Variants in PPP2R3B observed in about 807,000 individuals in gnomAD.
The protein encoded by PPP2R3B is serine/threonine-protein phosphatase 2A regulatory subunit B'' subunit beta.
PPP2R3B carries 68 observed loss-of-function variants against 72.9 expected under a neutral mutation model. The ratio of observed to expected loss-of-function variants is 0.93; its 90% CI spans 0.77 to 1.14. PPP2R3B has a LOEUF of 1.14. Ranked by LOEUF, PPP2R3B falls within the 50% of genes most tolerant of loss-of-function variation. The pLI, the probability that PPP2R3B is intolerant of heterozygous loss-of-function variation, is 0.00. For missense variants in PPP2R3B, 1,018 were observed against 842.0 expected, an observed-to-expected ratio of 1.21 and a Z score of -2.59; for synonymous variants, 466 against 375.8, an observed-to-expected ratio of 1.24 and a Z score of -2.78.
intron 1 of PPP2R3B, chrX:362,457 C>T (rs2071561886): frequency 1.3e-5 from 2 of 152,462 alleles, no homozygotes; most frequent in Admixed American, 1.3e-4. Context: ...CCTCCTCCTC[C>T]AACTACCCAG....
chrX:370,225 G>A (rs1054484821), intron 1 of PPP2R3B, among the ~76,000 whole-genome samples: 8 of 152,182 alleles, frequency 5.3e-5, no homozygotes, highest in Non-Finnish European at 1.0e-4. Flanking sequence ...AGGGAGAACT[G>A]GTGTGGAGGG....
At chrX:344,908 T>C in intron 7 of PPP2R3B, 1 of 345,376 alleles carries the variant, frequency 2.9e-6, no homozygotes. Context: ...GAAACAGTCT[T>C]GGTCATATGG....
At chrX:384,329 C>T (rs1437082082) in intron 1 of PPP2R3B, among the ~76,000 whole-genome samples, 5 of 148,156 alleles carry the variant, frequency 3.4e-5, no homozygotes, top group Non-Finnish European at 7.4e-5. Context: ...CAGGGCCTTC[C>T]TCTGTTGCTC....
At chrX:373,366 C>G (rs2071909166) in intron 1 of PPP2R3B, among the ~76,000 whole-genome samples, 1 of 152,220 alleles carries the variant, frequency 6.6e-6, no homozygotes, top group African/African-American at 2.4e-5. Context: ...GGGTCCCCTG[C>G]GCCCACAACT....
In PPP2R3B at chrX:353,102, G is replaced by A. The variant is rs191964597; in HGVS notation, c.511-5409C>T. Among the ~76,000 whole-genome samples the A allele has an allele frequency of 4.9e-4, 74 of 152,104 alleles. 1 individual carries two copies. Among genetic ancestry groups the A allele is most frequent in the African/African-American group, 1.7e-3 (69 of 41,506 alleles). ...AAAGTGGGTGGCAGTGGCCGGGTGC[G>A]GTGGCTCAGGCCTGTCATCCCAGCA... On this transcript the variant is annotated intron_variant, in intron 2 of 12. Coordinates refer to ENST00000390665, the MANE Select transcript of PPP2R3B (RefSeq NM_013239.5).
chrX:346,076 GGAGGGGAGGAGGGA>G (rs2071201826), intron 6 of PPP2R3B, 84 bp downstream of exon 6: 1 of 498,982 alleles, frequency 2.0e-6, no homozygotes, highest in Admixed American at 2.9e-5. Flanking sequence ...AGAGGGGGTG[GGAGGGGAGGAGGGA>G]GGGGGGAGGA....
At chrX:334,694 C>T (rs948402097) in intron 12 of PPP2R3B, 177 bp from the exon 13 acceptor site, 76 of 730,454 alleles carry the variant, frequency 1.0e-4, no homozygotes, top group Non-Finnish European at 1.3e-4. Context: ...GCCGGCTCCA[C>T]GAATGCTCCC....
intron 2 of PPP2R3B, among the ~76,000 whole-genome samples, chrX:348,167 C>G (rs917389499): frequency 6.6e-6 from 1 of 152,164 alleles, no homozygotes; most frequent in African/African-American, 2.4e-5. Context: ...AATCGATCGT[C>G]TACACTTCTA....
chrX:344,089 C>G (rs369395281), intron 7 of PPP2R3B, among the ~76,000 whole-genome samples: 6,493 of 22,974 alleles, frequency 0.28, 413 homozygotes, highest in East Asian at 0.31. Context: ...GGAGGGAGAC[C>G]TCACCAACGG....
In PPP2R3B at chrX:386,556, G is replaced by A; in HGVS notation, c.136C>T (p.Gln46Ter). Residue 46 changes from glutamine (Q) to a stop codon, truncating the protein, a stop_gained, in exon 1 of 13, where the codon CAG (glutamine) becomes TAG (stop). Coordinates refer to ENST00000390665, the MANE Select transcript of PPP2R3B (RefSeq NM_013239.5). LOFTEE classifies it high-confidence loss of function. Reference protein sequence around the residue: ...LRRIKAPGRDQPTPGDGEQPG... With the variant: ...LRRIKAPGRD The stretch of plus-strand genomic sequence containing the variant: ...TGCTCCCCGTCCCCCGGGGTCGGCT[G>A]GTCCCGCCCGGGCGCCTTGATCCGG... 1 of 1,436,396 alleles carries A rather than the reference G, an allele frequency of 7.0e-7. No individual in the cohort carries two copies. Among genetic ancestry groups the A allele is most frequent in the Non-Finnish European group, 9.1e-7 (1 of 1,093,148 alleles). The allele number at this position is 1,436,396 out of a possible 1,614,324, so 89.0% of individuals were successfully genotyped here.
At chrX:373,613 G>T (rs771161574) in intron 1 of PPP2R3B, 1 of 297,174 alleles carries the variant, frequency 3.4e-6, no homozygotes, top group Admixed American at 3.3e-5. Context: ...CCAGCTCCTG[G>T]CGCAGGTCGG....
In PPP2R3B at chrX:385,622, AAAAT is replaced by A. The variant is rs745496051; in HGVS notation, c.324+742_324+745del. Among the ~76,000 whole-genome samples the A allele has an allele frequency of 8.0e-4, 121 of 151,916 alleles. 1 individual carries two copies. Among genetic ancestry groups the A allele is most frequent in the African/African-American group, 2.3e-3 (96 of 41,456 alleles). On this transcript the variant is annotated intron_variant, in intron 1 of 12. Transcript: ENST00000390665. ...AACATAGCAAGACCTCGTCTCTGCA[AAAAT>A]AAATAAATAAATAAATAAACAAAAA...
In PPP2R3B at chrX:383,512, A is replaced by G. The variant is rs138651621; in HGVS notation, c.324+2856T>C. Among the ~76,000 whole-genome samples, 1,344 of 152,266 alleles carry G rather than the reference A, an allele frequency of 8.8e-3. 27 individuals are homozygous for G. The highest frequency in any genetic ancestry group is 0.03 in the African/African-American group (1,260 of 41,544). On this transcript the variant is annotated intron_variant, in intron 1 of 12. Transcript: ENST00000390665. ...GCAATGTTTTATCGCTTTAAACTGC[A>G]TAGTATAAAACGACAGAAAGCATTT... is the stretch of plus-strand genomic sequence containing the variant.
rs201018845 is a variant in PPP2R3B at position 364,446 on chromosome X, ACTGT to A, written c.325-2860_325-2857del. Reference sequence around the variant, plus strand: ...TTTGAAAGGAGGCTGAGGGGGACAGACTGTCTGAGCTGAGGAGTTCAAGACCAGC... The same window carrying A: ...TTTGAAAGGAGGCTGAGGGGGACAGACTGAGCTGAGGAGTTCAAGACCAGC... On this transcript the variant is annotated intron_variant, in intron 1 of 12. Transcript: ENST00000390665. Among the ~76,000 whole-genome samples the A allele has an allele frequency of 7.3e-3, 1,100 of 149,930 alleles. 18 individuals are homozygous for A. The highest frequency in any genetic ancestry group is 0.026 in the African/African-American group (1,040 of 40,574).
At chrX:382,083 A>C (rs1330031027) in intron 1 of PPP2R3B, among the ~76,000 whole-genome samples, 1 of 150,938 alleles carries the variant, frequency 6.6e-6, no homozygotes, top group Non-Finnish European at 1.5e-5. Flanking sequence ...AGAATCCTGC[A>C]CCCTGCACAC....
chrX:359,015 A>C (rs906392510), intron 2 of PPP2R3B, among the ~76,000 whole-genome samples: 3 of 152,128 alleles, frequency 2.0e-5, no homozygotes, highest in Non-Finnish European at 2.9e-5. Flanking sequence ...GCGGGGAAGC[A>C]CTGAGGGGAA....
chrX:361,519 T>C lies in PPP2R3B; in HGVS notation c.396A>G (p.Arg132=). ...SQSIPTFYFP[R]GRPQDSVNVD... is the part of the protein sequence containing the mutation. The stretch of plus-strand genomic sequence containing the variant: ...CGTTGACGGAGTCCTGCGGGCGTCC[T>C]CTGGGGAAGTAGAAGGTCGGAATGC... Residue 132 remains arginine (R), a synonymous_variant, in exon 2 of 13, where the codon AGA becomes AGG. Coordinates refer to ENST00000390665, the MANE Select transcript of PPP2R3B (RefSeq NM_013239.5). 2 of 1,613,982 alleles carry C rather than the reference T, an allele frequency of 1.2e-6. No individual in the cohort carries two copies. The highest frequency in any genetic ancestry group is 1.7e-6 in the Non-Finnish European group (2 of 1,179,862).
intron 1 of PPP2R3B, among the ~76,000 whole-genome samples, chrX:363,945 C>T (rs1395278359): frequency 6.6e-6 from 1 of 152,244 alleles, no homozygotes; most frequent in Non-Finnish European, 1.5e-5. Flanking sequence ...TGCCAAGAAC[C>T]CTGGACAGAA....
rs746140449 is a variant in PPP2R3B at position 338,278 on chromosome X, C to G, written c.1577+326G>C. ...TGCAGCCTGCCCAGCAGGTGCCAGC[C>G]GTGGGATAAGGACAGACGTCGTTGG... On this transcript the variant is annotated intron_variant, in intron 12 of 12. Coordinates refer to ENST00000390665, the MANE Select transcript of PPP2R3B (RefSeq NM_013239.5). The G allele has an allele frequency of 3.2e-5, 16 of 492,894 alleles. No individual in the cohort carries two copies. In the East Asian group the frequency reaches 5.7e-4, roughly 18 times the overall value. The allele number at this position is 492,894 out of a possible 1,614,324, so 30.5% of individuals were successfully genotyped here.
Sources: gnomAD v4.1 joint callset for allele counts (sites outside exome capture counted in the v4.1 genomes callset) on GRCh38, gnomAD v4.1.1 for gene constraint, MANE v1.5 for transcripts, NCBI Gene and HGNC (gene_info 2026-07-23, HGNC 2026-07-21) for gene names.